Variants in SMUG1 observed in about 807,000 individuals in gnomAD.
SMUG1 encodes the protein single-strand selective monofunctional uracil DNA glycosylase.
A neutral mutation model predicts 23.9 loss-of-function variants in SMUG1; 13 were observed. That is an observed-to-expected ratio of 0.54 (90% CI 0.35 to 0.86). The LOEUF (loss-of-function observed/expected upper bound fraction) is 0.86. SMUG1 is among the 40% of genes least tolerant of loss of function. The pLI, the probability that SMUG1 is intolerant of heterozygous loss-of-function variation, is 0.01. For missense variants in SMUG1, 313 were observed against 339.5 expected, an observed-to-expected ratio of 0.92 and a Z score of 0.61; for synonymous variants, 133 against 139.8, an observed-to-expected ratio of 0.95 and a Z score of 0.34.
At chr12:54,171,946 G>A (rs1940630396) in intron 3 of SMUG1, 3 of 396,016 alleles carry the variant, frequency 7.6e-6, no homozygotes, top group African/African-American at 4.1e-5. Flanking sequence ...GGCTCTCCCT[G>A]CAAAATGTAT....
At chr12:54,185,608 C>G (rs1052059281) in intron 2 of SMUG1, among the ~76,000 whole-genome samples, 3 of 151,822 alleles carry the variant, frequency 2.0e-5, no homozygotes, top group African/African-American at 4.8e-5. Flanking sequence ...GTCAGGAGTT[C>G]AAGATCAACC....
At chr12:54,178,438 T>C (rs2136557892), downstream of SMUG1, among the ~76,000 whole-genome samples, 1 of 152,188 alleles carries the variant, frequency 6.6e-6, no homozygotes, top group East Asian at 1.9e-4. Context: ...CCTATCCCAC[T>C]ATCTCATCAC....
At chr12:54,180,268 C>T (rs551641368), downstream of SMUG1, 1 of 152,298 alleles carries the variant, frequency 6.6e-6, no homozygotes, top group South Asian at 2.1e-4. Flanking sequence ...CAAATCTCAA[C>T]ATAAATTCAG....
In SMUG1 at chr12:54,182,920, G is replaced by A. The variant is rs193161284; in HGVS notation, c.286-297C>T. 1.2e-3 allele frequency: 470 copies of A among 385,026 alleles called. 2 individuals are homozygous for A. The highest frequency in any genetic ancestry group is 3.4e-4 in the Non-Finnish European group (73 of 217,134). The allele number at this position is 385,026 out of a possible 1,614,324, so 23.9% of individuals were successfully genotyped here. A position where few individuals can be genotyped will look rare whatever the true frequency, so the allele number is the denominator to read the frequency against. On this transcript the variant is annotated intron_variant, in intron 3 of 3. Transcript: ENST00000682136. ...TATCTAGCCCTACACAGGGTTTGAT[G>A]GTTAGTACTGGGGACAGACAGATGG...
In SMUG1 at chr12:54,188,202, A is replaced by G. The variant is rs73317102; in HGVS notation, c.-103-300T>C. ...AGTGAGGAAGGAATCGAAATCACATATGCACTCCCCTGTCCTTTGGAGGCA... is the reference window on the plus strand; with the variant it reads ...AGTGAGGAAGGAATCGAAATCACATGTGCACTCCCCTGTCCTTTGGAGGCA... On this transcript the variant is annotated intron_variant, in intron 1 of 3. Coordinates refer to ENST00000682136, the MANE Select transcript of SMUG1 (RefSeq NM_001243787.2). Among the ~76,000 whole-genome samples, 606 of 151,490 alleles carry G rather than the reference A, an allele frequency of 4.0e-3. 4 individuals are homozygous for G. Among genetic ancestry groups the G allele is most frequent in the African/African-American group, 0.014 (587 of 41,256 alleles).
intron 3 of SMUG1, 26 bp downstream of exon 3, chr12:54,183,630 C>A (rs1487868307): frequency 6.2e-7 from 1 of 1,611,992 alleles, no homozygotes; most frequent in South Asian, 1.1e-5. Context: ...CCCCACTCCA[C>A]CCACTGGGGA....
intron 4 of SMUG1, among the ~76,000 whole-genome samples, chr12:54,158,909 A>G (rs969274444): frequency 6.6e-6 from 1 of 152,152 alleles, no homozygotes. Flanking sequence ...GCTGCCAGGA[A>G]GTTTGCCTTG....
At chr12:54,174,282 TTTG>T (rs1592354849) in intron 2 of SMUG1, among the ~76,000 whole-genome samples, 2 of 152,284 alleles carry the variant, frequency 1.3e-5, no homozygotes, top group East Asian at 3.9e-4. Flanking sequence ...TCAAAGACAT[TTTG>T]TTCTTCTCCC....
intron 2 of SMUG1, chr12:54,172,112 G>A (rs928659573): frequency 8.8e-6 from 4 of 454,536 alleles, no homozygotes; most frequent in Non-Finnish European, 1.8e-5. Context: ...AGAATTTTCT[G>A]TAAAAAGACA....
chr12:54,159,998 G>C (rs145209321), downstream of SMUG1, among the ~76,000 whole-genome samples: 79 of 152,314 alleles, frequency 5.2e-4, no homozygotes, highest in African/African-American at 1.7e-3. Flanking sequence ...AGGTTGCTGG[G>C]CCTGTCCATG....
intron 2 of SMUG1, chr12:54,187,280 A>G (rs2279402): frequency 0.48 from 73,389 of 152,036 alleles, 18,348 homozygotes; most frequent in Non-Finnish European, 0.54. Context: ...CGATAAACCT[A>G]TTTTCTCACC....
Position 54,169,711 on chromosome 12 carries a change from G to A in SMUG1, c.*52+2314C>T, listed in dbSNP as rs141762739. The stretch of plus-strand genomic sequence containing the variant: ...CTTGAGGGCAAAAATTGCATCTTCT[G>A]TTTCCACTGGGCACCTTAGAGTCCT... On this transcript the variant is annotated intron_variant and NMD_transcript_variant, in intron 3 of 4. Transcript: ENST00000509864. Among the ~76,000 whole-genome samples the A allele has an allele frequency of 7.7e-4, 118 of 152,324 alleles. 3 individuals carry two copies. Among genetic ancestry groups the A allele is most frequent in the African/African-American group, 2.8e-3 (118 of 41,564 alleles).
Position 54,182,046 on chromosome 12 carries a change from A to G in SMUG1, c.*50T>C. 1 of 1,514,232 alleles carries G rather than the reference A, an allele frequency of 6.6e-7. No homozygotes were observed. Among genetic ancestry groups the G allele is most frequent in the Non-Finnish European group, 8.8e-7 (1 of 1,132,466 alleles). The allele number at this position is 1,514,232 out of a possible 1,614,324, so 93.8% of individuals were successfully genotyped here. A position where few individuals can be genotyped will look rare whatever the true frequency, so the allele number is the denominator to read the frequency against. ...AGATGTGTTGTCATCTGCTTGGCCA[A>G]GAATGACTTCGAGGTCTTGAATGTG... is the stretch of plus-strand genomic sequence containing the variant. On this transcript the variant is annotated 3_prime_UTR_variant, in exon 4 of 4. Coordinates refer to ENST00000682136, the MANE Select transcript of SMUG1 (RefSeq NM_001243787.2).
At chr12:54,188,221 G>A (rs1160843995) in intron 1 of SMUG1, among the ~76,000 whole-genome samples, 1 of 150,562 alleles carries the variant, frequency 6.6e-6, no homozygotes, top group Non-Finnish European at 1.5e-5. Context: ...CCTGTCCTTT[G>A]GAGGCACTCC....
intron 2 of SMUG1, among the ~76,000 whole-genome samples, chr12:54,173,819 C>G (rs1041101752): frequency 6.6e-6 from 1 of 151,290 alleles, no homozygotes; most frequent in Non-Finnish European, 1.5e-5. Context: ...TCTGTTCCCC[C>G]GCCCAAACAG....
intron 3 of SMUG1, chr12:54,171,949 A>C: frequency 2.5e-6 from 1 of 400,094 alleles, no homozygotes; most frequent in Non-Finnish European, 5.3e-6. Flanking sequence ...TCTCCCTGCA[A>C]AATGTATCAA....
downstream of SMUG1, among the ~76,000 whole-genome samples, chr12:54,179,521 C>G (rs907979470): frequency 6.6e-6 from 1 of 152,114 alleles, no homozygotes; most frequent in East Asian, 1.9e-4. Flanking sequence ...GCACTCACTA[C>G]GTAGCACTGA....
Position 54,183,556 on chromosome 12 carries a change from A to G in SMUG1, c.285+100T>C, listed in dbSNP as rs746362932. On this transcript the variant is annotated intron_variant, in intron 3 of 3. Coordinates refer to ENST00000682136, the MANE Select transcript of SMUG1 (RefSeq NM_001243787.2). The stretch of plus-strand genomic sequence containing the variant: ...CAGAATGGGGCGGGAGGACCTACAC[A>G]TGTCTACAGCCATGCACATGCTCCT... 4.6e-5 allele frequency: 57 copies of G among 1,242,128 alleles called. No individual in the cohort carries two copies. The South Asian group carries it at 5.9e-4, about 13-fold the overall frequency. 76.9% of individuals were successfully genotyped at this position (1,242,128 alleles called of 1,614,324 possible).
At chr12:54,188,302 AATAAT>A (rs1565844842) in intron 1 of SMUG1, among the ~76,000 whole-genome samples, 136 of 94,516 alleles carry the variant, frequency 1.4e-3, no homozygotes, top group Admixed American at 3.9e-3. Flanking sequence ...AATAAATAAT[AATAAT>A]AATAATAATA....
Sources: gnomAD v4.1 joint callset for allele counts (sites outside exome capture counted in the v4.1 genomes callset) on GRCh38, gnomAD v4.1.1 for gene constraint, MANE v1.5 for transcripts, NCBI Gene and HGNC (gene_info 2026-07-23, HGNC 2026-07-21) for gene names.